The following THSD7A variants were observed in gnomAD, a reference collection of about 807,000 sequenced individuals.
THSD7A encodes the protein thrombospondin type 1 domain containing 7A.
Under a neutral mutation model 231.3 loss-of-function variants are expected in THSD7A, and 96 were observed. That is an observed-to-expected ratio of 0.41 (90% CI 0.35 to 0.49). The LOEUF (loss-of-function observed/expected upper bound fraction) is 0.49, where lower values mean the gene tolerates loss of function less well. Among genes scored for constraint, THSD7A ranks in the 20% least tolerant of loss-of-function variants. The pLI, the probability that THSD7A is intolerant of heterozygous loss-of-function variation, is 0.05. For synonymous variants in THSD7A, 940 were observed against 743.3 expected (o/e 1.26, Z -4.30); for missense variants, 2,290 against 2,070.2 (o/e 1.11, Z -2.06).
intron 1 of THSD7A, among the ~76,000 whole-genome samples, chr7:11,798,436 A>G (rs894049476): frequency 4.0e-4 from 61 of 151,832 alleles, no homozygotes; most frequent in African/African-American, 1.4e-3. Flanking sequence ...ACATCATCGC[A>G]CTCTAGCCTG....
chr7:11,479,448 T>C (rs1786332634), intron 7 of THSD7A, among the ~76,000 whole-genome samples: 1 of 152,214 alleles, frequency 6.6e-6, no homozygotes, highest in Non-Finnish European at 1.5e-5. Context: ...TTTAAAGTTA[T>C]CACAATCAGT....
chr7:11,668,975 G>C (rs1334341264), intron 1 of THSD7A, among the ~76,000 whole-genome samples: 3 of 152,150 alleles, frequency 2.0e-5, no homozygotes, highest in African/African-American at 7.2e-5. Context: ...TTCTAGTCGA[G>C]TGTGCTGTTG....
chr7:11,507,602 T>TGG (rs369872043), intron 6 of THSD7A, among the ~76,000 whole-genome samples: 2 of 51,170 alleles, frequency 3.9e-5, no homozygotes, highest in Non-Finnish European at 8.0e-5. Flanking sequence ...ATAATGTGTG[T>TGG]TTTTTTTTTT....
At chr7:11,778,845 T>A (rs1280768190) in intron 1 of THSD7A, among the ~76,000 whole-genome samples, 1 of 152,120 alleles carries the variant, frequency 6.6e-6, no homozygotes, top group African/African-American at 2.4e-5. Context: ...TATGCACAAA[T>A]AAATGTATAA....
intron 6 of THSD7A, among the ~76,000 whole-genome samples, chr7:11,531,327 C>G (rs1178752384): frequency 2.0e-5 from 3 of 152,164 alleles, no homozygotes; most frequent in African/African-American, 7.2e-5. Context: ...AAAGCAACAT[C>G]AGTGATTCTT....
chr7:11,401,678 T>C lies in THSD7A; in HGVS notation c.4411+117A>G, dbSNP rs1180788485. On this transcript the variant is annotated intron_variant, in intron 23 of 27. Coordinates refer to ENST00000423059, the MANE Select transcript of THSD7A (RefSeq NM_015204.3). Reference sequence around the variant, plus strand: ...CCGCCCACCTAGGCCTCCCAAAGCGTTGGGATTACAGGCGTGAGCCACCGC... The same window carrying C: ...CCGCCCACCTAGGCCTCCCAAAGCGCTGGGATTACAGGCGTGAGCCACCGC... The C allele has an allele frequency of 7.6e-6, 7 of 917,470 alleles. No homozygotes were observed. The South Asian group carries it at 8.5e-5, about 11-fold the overall frequency. The allele number at this position is 917,470 out of a possible 1,614,324, so 56.8% of individuals were successfully genotyped here. A position where few individuals can be genotyped will look rare whatever the true frequency, so the allele number is the denominator to read the frequency against.
intron 23 of THSD7A, among the ~76,000 whole-genome samples, chr7:11,397,907 C>T (rs547711247): frequency 7.9e-5 from 12 of 152,206 alleles, no homozygotes; most frequent in Middle Eastern, 3.4e-3. Context: ...ACAATGGATG[C>T]TAGAGAGGAT....
intron 1 of THSD7A, among the ~76,000 whole-genome samples, chr7:11,817,270 G>A (rs1276415264): frequency 6.6e-6 from 1 of 152,150 alleles, no homozygotes; most frequent in Non-Finnish European, 1.5e-5. Context: ...GGAAAGTCTT[G>A]CCAAGAATAA....
chr7:11,786,808 C>A (rs1583290640), intron 1 of THSD7A, among the ~76,000 whole-genome samples: 1 of 148,952 alleles, frequency 6.7e-6, no homozygotes, highest in Non-Finnish European at 1.5e-5. Flanking sequence ...CTAGTAAAGT[C>A]TTTTCTTTGG....
chr7:11,794,842 T>G (rs1381808195), intron 1 of THSD7A, among the ~76,000 whole-genome samples: 1 of 151,996 alleles, frequency 6.6e-6, no homozygotes, highest in East Asian at 1.9e-4. Context: ...GCACTGTGCA[T>G]GAGAAGTTCA....
At chr7:11,727,843 T>C (rs1307452203) in intron 1 of THSD7A, among the ~76,000 whole-genome samples, 1 of 152,036 alleles carries the variant, frequency 6.6e-6, no homozygotes, top group African/African-American at 2.4e-5. Context: ...TAACCCTCTT[T>C]ACCTCATTAC....
At chr7:11,739,671 G>C (rs1398337237) in intron 1 of THSD7A, among the ~76,000 whole-genome samples, 1 of 151,436 alleles carries the variant, frequency 6.6e-6, no homozygotes, top group Non-Finnish European at 1.5e-5. Flanking sequence ...TCTCACCCTG[G>C]CCCCCAAAGT....
At chr7:11,574,240 A>ATCTAT (rs1790778732) in intron 4 of THSD7A, among the ~76,000 whole-genome samples, 1 of 128,144 alleles carries the variant, frequency 7.8e-6, no homozygotes, top group African/African-American at 3.0e-5. Context: ...ATATTTTCTT[A>ATCTAT]TTTATTTTTT....
At chr7:11,415,013 C>T (rs776939112) in intron 17 of THSD7A, among the ~76,000 whole-genome samples, 78 of 152,168 alleles carry the variant, frequency 5.1e-4, no homozygotes, top group African/African-American at 1.3e-3. Context: ...TTTAGGCTAA[C>T]GCTGCCTCCT....
At chr7:11,574,990 C>T (rs766375923) in intron 4 of THSD7A, among the ~76,000 whole-genome samples, 14 of 152,206 alleles carry the variant, frequency 9.2e-5, no homozygotes, top group Non-Finnish European at 2.1e-4. Context: ...CTGATTATGA[C>T]GTTTACTAGC....
At chr7:11,681,345 C>T (rs1242374479) in intron 1 of THSD7A, among the ~76,000 whole-genome samples, 3 of 151,936 alleles carry the variant, frequency 2.0e-5, no homozygotes, top group Non-Finnish European at 2.9e-5. Context: ...ACGTAACAAA[C>T]CTGCACATTC....
At chr7:11,440,107 A>G (rs891480242) in intron 13 of THSD7A, among the ~76,000 whole-genome samples, 38 of 152,030 alleles carry the variant, frequency 2.5e-4, no homozygotes, top group Admixed American at 8.5e-4. Context: ...GCCCTTAAGA[A>G]TCAAGCTAAA....
intron 23 of THSD7A, among the ~76,000 whole-genome samples, chr7:11,389,370 T>A (rs1187828512): frequency 6.6e-6 from 1 of 151,666 alleles, no homozygotes; most frequent in Non-Finnish European, 1.5e-5. Flanking sequence ...TCTCTTTTGA[T>A]CTTTGTTGGT....
At chr7:11,652,709 G>T (rs144284073) in intron 1 of THSD7A, among the ~76,000 whole-genome samples, 155 of 151,874 alleles carry the variant, frequency 1.0e-3, no homozygotes, top group African/African-American at 3.7e-3. Flanking sequence ...AATAAAAATG[G>T]TTTTGCTTCC....
Sources: allele counts gnomAD v4.1 joint callset (sites outside exome capture counted in the v4.1 genomes callset), GRCh38; gene constraint gnomAD v4.1.1; transcripts MANE v1.5; gene names NCBI Gene and HGNC (gene_info 2026-07-23, HGNC 2026-07-21).